Variants in KIFC2 observed in about 807,000 individuals in gnomAD.
The protein encoded by KIFC2 is kinesin family member C2.
Under a neutral mutation model 91.5 loss-of-function variants are expected in KIFC2, and 94 were observed. The observed-to-expected ratio is 1.03, with a 90% CI of 0.87 to 1.22. The LOEUF (loss-of-function observed/expected upper bound fraction) is 1.22. KIFC2 is among the 50% of genes most tolerant of loss of function. The pLI is 0.00. For missense variants in KIFC2, 1,357 were observed against 1,103.3 expected, an observed-to-expected ratio of 1.23 and a Z score of -3.26; for synonymous variants, 729 against 503.9, an observed-to-expected ratio of 1.45 and a Z score of -5.98.
rs1825030247 is a variant in KIFC2, at chr8:144,473,505, C to T, written c.*116C>T. Reference sequence around the variant, plus strand: ...ACAAGCTCCCTAGCCTCTTTGGATCCATTGCCCCTGAGCTCCCAGAGTCAC... The same window carrying T: ...ACAAGCTCCCTAGCCTCTTTGGATCTATTGCCCCTGAGCTCCCAGAGTCAC... On this transcript the variant is annotated 3_prime_UTR_variant, in exon 18 of 18. Transcript: ENST00000645548. 2 of 1,410,382 alleles carry T rather than the reference C, an allele frequency of 1.4e-6. No individual in the cohort carries two copies. The highest frequency in any genetic ancestry group is 1.9e-6 in the Non-Finnish European group (2 of 1,079,720). 87.4% of individuals were successfully genotyped at this position (1,410,382 alleles called of 1,614,324 possible).
rs1586717923 is a variant in KIFC2, at chr8:144,466,978, T to C, written c.198T>C (p.Asp66=). Residue 66 remains aspartate (D), a synonymous_variant, in exon 3 of 18, where the codon GAT becomes GAC. Transcript: ENST00000645548. ...TGLAASSEPE[D]GSEGAAEGRA... is the part of the protein sequence containing the mutation. ...CGGCAGCCAGCTCCGAGCCTGAGGA[T>C]GGGTCGGAAGGCGCAGCCGAGGGCC... 5.6e-6 allele frequency: 9 copies of C among 1,596,200 alleles called. No individual in the cohort carries two copies. Among genetic ancestry groups the C allele is most frequent in the African/African-American group, 1.3e-5 (1 of 74,624 alleles).
rs538420224 is a variant in KIFC2 at position 144,468,325 on chromosome 8, G to A, written c.811-4G>A. On this transcript the variant is annotated splice_region_variant and splice_polypyrimidine_tract_variant and intron_variant, in intron 7 of 17. Coordinates refer to ENST00000645548, the MANE Select transcript of KIFC2 (RefSeq NM_001369769.2). ...AGTCCCTCCTGGCCCCCACCCTCCC[G>A]CAGGAGGAGGCAGAGGCATTGCTAG... The A allele has an allele frequency of 1.4e-5, 22 of 1,608,624 alleles. No individual in the cohort carries two copies. The highest frequency in any genetic ancestry group is 1.1e-4 in the South Asian group (10 of 90,256).
Position 144,467,002 on chromosome 8 carries a change from C to G in KIFC2, c.222C>G (p.Gly74=), listed in dbSNP as rs2250891. The change falls in exon 3 of 18, where the codon GGC becomes GGG. Residue 74 remains glycine (G), a synonymous_variant. Transcript: ENST00000645548. ...ATGGGTCGGAAGGCGCAGCCGAGGG[C>G]CGCGCGGCCGCGGTGTCCCTGGAAG... ...PEDGSEGAAE[G]RAAAVSLEEA... The G allele has an allele frequency of 6.3e-7, 1 of 1,595,398 alleles. No individual in the cohort carries two copies.
chr8:144,468,334 G>A lies in KIFC2; in HGVS notation c.816G>A (p.Glu272=), dbSNP rs1436938033. The change falls in exon 8 of 18, where the codon GAG becomes GAA. Residue 272 remains glutamate (E), a synonymous_variant. Transcript: ENST00000645548. ...TGGCCCCCACCCTCCCGCAGGAGGA[G>A]GCAGAGGCATTGCTAGAGCTCCAGG... ...PGPPIRAPQE[E]AEALLELQGR... is the part of the protein sequence containing the mutation. The A allele has an allele frequency of 4.3e-6, 7 of 1,611,214 alleles. No homozygotes were observed. Among genetic ancestry groups the A allele is most frequent in the Non-Finnish European group, 5.9e-6 (7 of 1,179,186 alleles).
intron 14 of KIFC2, 27 bp downstream of exon 14, chr8:144,472,286 C>T (rs777917175): frequency 3.7e-6 from 6 of 1,613,298 alleles, no homozygotes; most frequent in Non-Finnish European, 4.2e-6. Context: ...GGGAGGCCTT[C>T]TCCCCACCCC....
intron 3 of KIFC2, 23 bp from the exon 4 acceptor site, chr8:144,467,180 T>A: frequency 6.2e-7 from 1 of 1,613,350 alleles, no homozygotes; most frequent in Non-Finnish European, 8.5e-7. Context: ...ACAGCCCTGC[T>A]CGGATTCTTG....
intron 16 of KIFC2, 42 bp downstream of exon 16, chr8:144,472,748 A>C (rs1233833426): frequency 1.9e-6 from 3 of 1,591,642 alleles, no homozygotes; most frequent in East Asian, 2.2e-5. Context: ...TCTCCAGAGC[A>C]CCCGAGGCCC....
intron 12 of KIFC2, 148 bp downstream of exon 12, chr8:144,469,795 G>A (rs1824855161): frequency 1.2e-5 from 13 of 1,048,748 alleles, no homozygotes; most frequent in South Asian, 3.3e-5. Flanking sequence ...GGGAACCGAG[G>A]GGGCTGGGAA....
At chr8:144,469,130 G>A (rs960054515) in intron 10 of KIFC2, 141 bp from the exon 11 acceptor site, 5 of 712,904 alleles carry the variant, frequency 7.0e-6, no homozygotes, top group South Asian at 5.0e-5. Context: ...GTCCCCAGGG[G>A]CCCAGAGCCA....
Position 144,466,390 on chromosome 8 carries a change from A to C in KIFC2, c.-30A>C. ...GGGCGCGGGGACGCGGGGCGGCGCGAAGCGGGGCCCTCTGCCGCCCCGCGC... is the reference window on the plus strand; with the variant it reads ...GGGCGCGGGGACGCGGGGCGGCGCGCAGCGGGGCCCTCTGCCGCCCCGCGC... On this transcript the variant is annotated 5_prime_UTR_variant, in exon 1 of 18. Transcript: ENST00000645548. 1.0e-6 allele frequency: 1 copy of C among 988,756 alleles called. No individual in the cohort carries two copies. The highest frequency in any genetic ancestry group is 1.3e-6 in the Non-Finnish European group (1 of 760,480). 61.2% of individuals were successfully genotyped at this position (988,756 alleles called of 1,614,324 possible).
chr8:144,473,787 G>A lies in KIFC2; in HGVS notation c.*398G>A, dbSNP rs886062751. 3 of 378,384 alleles carry A rather than the reference G, an allele frequency of 7.9e-6. No individual in the cohort carries two copies. The highest frequency in any genetic ancestry group is 2.1e-5 in the African/African-American group (1 of 47,962). The allele number at this position is 378,384 out of a possible 1,614,324, so 23.4% of individuals were successfully genotyped here. On this transcript the variant is annotated 3_prime_UTR_variant, in exon 18 of 18. Coordinates refer to ENST00000645548, the MANE Select transcript of KIFC2 (RefSeq NM_001369769.2). ...CCCCCCCACCACCAGGACCATGTAGGGTGCAGTCTTTACTCCCTAACCCGT... is the reference window on the plus strand; with the variant it reads ...CCCCCCCACCACCAGGACCATGTAGAGTGCAGTCTTTACTCCCTAACCCGT...
At position 144,466,389 on chromosome 8, in the gene KIFC2, G is replaced by A; in HGVS notation, c.-31G>A. 1 of 1,025,842 alleles carries A rather than the reference G, an allele frequency of 9.7e-7. No homozygotes were observed. The highest frequency in any genetic ancestry group is 2.8e-5 in the South Asian group (1 of 36,340). The allele number at this position is 1,025,842 out of a possible 1,614,324, so 63.5% of individuals were successfully genotyped here. Reference sequence around the variant, plus strand: ...TGGGCGCGGGGACGCGGGGCGGCGCGAAGCGGGGCCCTCTGCCGCCCCGCG... The same window carrying A: ...TGGGCGCGGGGACGCGGGGCGGCGCAAAGCGGGGCCCTCTGCCGCCCCGCG... On this transcript the variant is annotated 5_prime_UTR_variant, in exon 1 of 18. Coordinates refer to ENST00000645548, the MANE Select transcript of KIFC2 (RefSeq NM_001369769.2).
At position 144,473,226 on chromosome 8, in the gene KIFC2, G is replaced by T. The variant is rs761835882; in HGVS notation, c.2213G>T (p.Arg738Leu). The T allele has an allele frequency of 6.3e-7, 1 of 1,595,436 alleles. No individual in the cohort carries two copies. Among genetic ancestry groups the T allele is most frequent in the South Asian group, 1.1e-5 (1 of 88,218 alleles). Reference sequence around the variant, plus strand: ...GTGGAGCTGGGGCCAGCCCGGCGCCGCAGGGTCCCGCGCTCCTCCGGGACG... The same window carrying T: ...GTGGAGCTGGGGCCAGCCCGGCGCCTCAGGGTCCCGCGCTCCTCCGGGACG... The part of the protein sequence containing the change: ...GQVELGPARR[R>L]RVPRSSGTPS... The change falls in exon 18 of 18, where the codon CGC (arginine) becomes CTC (leucine). Residue 738 changes from arginine to leucine, a missense_variant. Transcript: ENST00000645548.
chr8:144,474,119 A>G lies in KIFC2; in HGVS notation c.*730A>G. The G allele has an allele frequency of 2.5e-6, 2 of 784,428 alleles. No individual in the cohort carries two copies. Among genetic ancestry groups the G allele is most frequent in the Non-Finnish European group, 4.0e-6 (2 of 500,976 alleles). The allele number at this position is 784,428 out of a possible 1,614,324, so 48.6% of individuals were successfully genotyped here. ...CCAATAAACACCGTGGACTCCCAGC[A>G]AGGCTGCTGCCTGGTGTTTCGAGGC... On this transcript the variant is annotated 3_prime_UTR_variant, in exon 18 of 18. Transcript: ENST00000645548.
At chr8:144,466,561 GC>G in intron 1 of KIFC2, 43 bp downstream of exon 1, 2 of 1,055,334 alleles carry the variant, frequency 1.9e-6, no homozygotes, top group Non-Finnish European at 2.4e-6. Flanking sequence ...CCCGCCGCCT[GC>G]CCCACCCCCA....
intron 17 of KIFC2, 27 bp downstream of exon 17, chr8:144,473,078 T>C (rs1205035290): frequency 6.6e-7 from 1 of 1,521,172 alleles, no homozygotes; most frequent in Admixed American, 2.0e-5. Flanking sequence ...GGCAGGTGTG[T>C]GCGTGCCGGT....
chr8:144,472,727 G>A (rs756919577), intron 16 of KIFC2, 21 bp downstream of exon 16: 3 of 1,592,402 alleles, frequency 1.9e-6, no homozygotes, highest in East Asian at 4.5e-5. Flanking sequence ...CGGTGCCTGA[G>A]CCCTGCGGAG....
intron 16 of KIFC2, 28 bp downstream of exon 16, chr8:144,472,734 G>A: frequency 6.3e-7 from 1 of 1,592,414 alleles, no homozygotes; most frequent in Non-Finnish European, 8.5e-7. Context: ...TGAGCCCTGC[G>A]GAGTCTCCAG....
Position 144,472,575 on chromosome 8 carries a change from AG to A in KIFC2, c.1732-1del. 6.2e-7 allele frequency: 1 copy of A among 1,611,288 alleles called. No homozygotes were observed. The highest frequency in any genetic ancestry group is 8.5e-7 in the Non-Finnish European group (1 of 1,179,798). The stretch of plus-strand genomic sequence containing the variant: ...TGACCAGCCCTTCGCCCCGCCTTCC[AG>A]ATGCTGAAACTGGGGAGGAGCAACC... On this transcript the variant is annotated splice_acceptor_variant, in intron 15 of 17. Coordinates refer to ENST00000645548, the MANE Select transcript of KIFC2 (RefSeq NM_001369769.2). LOFTEE classifies it high-confidence loss of function.
Sources: gnomAD v4.1 joint callset for allele counts on GRCh38, gnomAD v4.1.1 for gene constraint, MANE v1.5 for transcripts, NCBI Gene and HGNC (gene_info 2026-07-23, HGNC 2026-07-21) for gene names.